ADAM10: variants seen among roughly 807,000 people sequenced by gnomAD.
The protein encoded by ADAM10 is ADAM metallopeptidase domain 10, also known as disintegrin and metalloproteinase domain-containing protein 10.
Under a neutral mutation model 90.1 loss-of-function variants are expected in ADAM10, and 17 were observed. That is an observed-to-expected ratio of 0.19 (90% confidence interval 0.13 to 0.28). The LOEUF (loss-of-function observed/expected upper bound fraction) is 0.28, where lower values mean the gene tolerates loss of function less well. ADAM10 is among the 10% of genes least tolerant of loss of function. The probability of loss-of-function intolerance (pLI) is 1.00; values close to 1 mark genes in which losing one functional copy is unlikely to be tolerated. For missense variants in ADAM10, 610 were observed against 914.3 expected, an observed-to-expected ratio of 0.67 and a Z score of 4.29; for synonymous variants, 310 against 298.6, an observed-to-expected ratio of 1.04 and a Z score of -0.40.
intron 5 of ADAM10, among the ~76,000 whole-genome samples, chr15:58,663,397 G>T (rs1181766562): frequency 6.6e-6 from 1 of 152,006 alleles, no homozygotes; most frequent in African/African-American, 2.4e-5. Flanking sequence ...CTTTTTCTAA[G>T]CACTCATTTT....
chr15:58,691,825 G>C (rs189165874), intron 2 of ADAM10, among the ~76,000 whole-genome samples: 12 of 151,746 alleles, frequency 7.9e-5, no homozygotes, highest in Non-Finnish European at 4.4e-5. Context: ...TGGGATTACA[G>C]GCGTTGTGCC....
At chr15:58,667,585 T>A (rs915176215) in intron 4 of ADAM10, among the ~76,000 whole-genome samples, 1 of 152,104 alleles carries the variant, frequency 6.6e-6, no homozygotes, top group African/African-American at 2.4e-5. Flanking sequence ...TCTGCATTAA[T>A]TGAATTTAAA....
chr15:58,719,829 G>C (rs1314069761), intron 1 of ADAM10, among the ~76,000 whole-genome samples: 2 of 152,152 alleles, frequency 1.3e-5, no homozygotes. Context: ...ATAAAATGAA[G>C]AAACTAGAGT....
intron 1 of ADAM10, among the ~76,000 whole-genome samples, chr15:58,720,510 C>G (rs1360385431): frequency 2.6e-5 from 4 of 151,952 alleles, no homozygotes; most frequent in African/African-American, 9.7e-5. Flanking sequence ...ACGCCATTCT[C>G]CCGCCTCAGC....
Position 58,620,549 on chromosome 15 carries a change from T to G in ADAM10, c.1511+922A>C, listed in dbSNP as rs1895749287. On this transcript the variant is annotated intron_variant, in intron 11 of 15. Coordinates refer to ENST00000260408, the MANE Select transcript of ADAM10 (RefSeq NM_001110.4). ...ATTTGACAAGTGAAATAGTTATAAC[T>G]TGCCAAGTTAGAAAAGTAAATGGAT... Among the ~76,000 whole-genome samples, 3 of 152,090 alleles carry G rather than the reference T, an allele frequency of 2.0e-5. No homozygotes were observed. The South Asian group carries it at 6.2e-4, about 32-fold the overall frequency.
In ADAM10 at chr15:58,606,010, G is replaced by A. The variant is rs1307749070; in HGVS notation, c.2025+4287C>T. On this transcript the variant is annotated intron_variant, in intron 14 of 15. Transcript: ENST00000260408. ...GAAGACATGCACTCAAGTCTCTTCAGACATAAGATAATCTACTGTTCTTAA... is the reference window on the plus strand; with the variant it reads ...GAAGACATGCACTCAAGTCTCTTCAAACATAAGATAATCTACTGTTCTTAA... Among the ~76,000 whole-genome samples, 9 of 152,092 alleles carry A rather than the reference G, an allele frequency of 5.9e-5. No individual in the cohort carries two copies. In the East Asian group the frequency reaches 1.7e-3, roughly 29 times the overall value.
intron 11 of ADAM10, among the ~76,000 whole-genome samples, chr15:58,615,055 A>T (rs985749512): frequency 1.3e-5 from 2 of 152,138 alleles, no homozygotes; most frequent in African/African-American, 4.8e-5. Flanking sequence ...CAGGCAGATC[A>T]CGAGGTCAGG....
intron 15 of ADAM10, among the ~76,000 whole-genome samples, chr15:58,599,143 T>G (rs1895039691): frequency 8.6e-6 from 1 of 116,646 alleles, no homozygotes. Context: ...GGCAACACAG[T>G]GAGAGAAAGA....
At chr15:58,728,834 A>G (rs2140834281) in intron 1 of ADAM10, among the ~76,000 whole-genome samples, 1 of 152,352 alleles carries the variant, frequency 6.6e-6, no homozygotes, top group Admixed American at 6.5e-5. Context: ...AATACTAAGC[A>G]GCCTGTAATG....
intron 4 of ADAM10, among the ~76,000 whole-genome samples, chr15:58,674,043 T>G (rs1034854359): frequency 1.3e-5 from 2 of 152,116 alleles, no homozygotes; most frequent in African/African-American, 4.8e-5. Flanking sequence ...ACTGCCTCTT[T>G]TTTTGTGATT....
intron 2 of ADAM10, chr15:58,698,303 G>A (rs1898031290): frequency 2.2e-6 from 1 of 448,704 alleles, no homozygotes. Context: ...CATAGGGCTA[G>A]GCTCACATCT....
intron 2 of ADAM10, among the ~76,000 whole-genome samples, chr15:58,711,152 G>GA (rs1200698277): frequency 4.6e-5 from 7 of 152,034 alleles, no homozygotes; most frequent in Non-Finnish European, 1.0e-4. Context: ...TGTCAATTCA[G>GA]AAAAAAATAA....
At chr15:58,692,505 T>C (rs1487460958) in intron 2 of ADAM10, 1 of 517,918 alleles carries the variant, frequency 1.9e-6, no homozygotes, top group East Asian at 5.5e-5. Flanking sequence ...CTTTCTCACC[T>C]TTCTCTTCCT....
At chr15:58,691,954 G>A in intron 2 of ADAM10, 1 of 417,794 alleles carries the variant, frequency 2.4e-6, no homozygotes, top group Non-Finnish European at 4.8e-6. Flanking sequence ...AGGATTACAG[G>A]CGTGAGCCAC....
At chr15:58,724,074 G>A (rs989116169) in intron 1 of ADAM10, among the ~76,000 whole-genome samples, 5 of 151,924 alleles carry the variant, frequency 3.3e-5, no homozygotes, top group Non-Finnish European at 7.4e-5. Flanking sequence ...CCACTCGGGA[G>A]GCTGAGGCAG....
At chr15:58,733,528 C>T (rs1349800812) in intron 1 of ADAM10, among the ~76,000 whole-genome samples, 1 of 152,132 alleles carries the variant, frequency 6.6e-6, no homozygotes. Context: ...TATTGTTTAA[C>T]CCTTTAAAAC....
chr15:58,668,633 T>C (rs1220682879), intron 4 of ADAM10, among the ~76,000 whole-genome samples: 1 of 152,098 alleles, frequency 6.6e-6, no homozygotes, highest in East Asian at 1.9e-4. Flanking sequence ...TAAAGCTCCC[T>C]CACTGAGGTA....
chr15:58,681,933 T>C (rs1000929138), intron 3 of ADAM10, among the ~76,000 whole-genome samples: 2 of 152,178 alleles, frequency 1.3e-5, no homozygotes, highest in Non-Finnish European at 2.9e-5. Flanking sequence ...GTTAAAACTT[T>C]TGAAAACTCT....
intron 1 of ADAM10, among the ~76,000 whole-genome samples, chr15:58,725,715 A>C (rs1899006782): frequency 6.6e-6 from 1 of 152,098 alleles, no homozygotes; most frequent in Non-Finnish European, 1.5e-5. Context: ...AACAAAGATA[A>C]AACTGACAGC....
Sources: gnomAD v4.1 joint callset for allele counts (sites outside exome capture counted in the v4.1 genomes callset) on GRCh38, gnomAD v4.1.1 for gene constraint, MANE v1.5 for transcripts, NCBI Gene and HGNC (gene_info 2026-07-23, HGNC 2026-07-21) for gene names.